MBIP: variants seen among roughly 807,000 people sequenced by gnomAD.
MBIP encodes MAP3K12-binding inhibitory protein 1.
In MBIP, 32 loss-of-function variants were observed where a neutral mutation model predicts 45.7. The observed-to-expected ratio is 0.70, with a 90% CI of 0.53 to 0.94. MBIP has a LOEUF of 0.94. Among genes scored for constraint, MBIP ranks in the 40% least tolerant of loss-of-function variants. The pLI is 0.00. For missense variants in MBIP, 381 were observed against 405.5 expected, an observed-to-expected ratio of 0.94 and a Z score of 0.52; for synonymous variants, 145 against 141.0, an observed-to-expected ratio of 1.03 and a Z score of -0.20.
chr14:36,307,148 C>T (rs1387351923), intron 7 of MBIP, among the ~76,000 whole-genome samples: 1 of 152,140 alleles, frequency 6.6e-6, no homozygotes, highest in East Asian at 1.9e-4. Context: ...GAAATTTTGT[C>T]ATTTAGGACT....
chr14:36,314,375 T>A, intron 4 of MBIP, 137 bp downstream of exon 4: 1 of 607,832 alleles, frequency 1.6e-6, no homozygotes, highest in Non-Finnish European at 2.8e-6. Flanking sequence ...AACTCTACTG[T>A]CTTAATTACT....
At chr14:36,305,711 T>C (rs1040692004) in intron 7 of MBIP, among the ~76,000 whole-genome samples, 2 of 152,118 alleles carry the variant, frequency 1.3e-5, no homozygotes, top group Non-Finnish European at 2.9e-5. Context: ...TTACCTGATG[T>C]TTTTACCTTC....
In MBIP at chr14:36,320,448, G is replaced by A. The variant is rs1880830848; in HGVS notation, c.129+12C>T. ...GGTTTCCATATTCCCAGTCCCTCAG[G>A]CCACCTCTCACCTGTCCAACCAGGG... On this transcript the variant is annotated intron_variant, in intron 1 of 8. Coordinates refer to ENST00000416007, the MANE Select transcript of MBIP (RefSeq NM_016586.3). The A allele has an allele frequency of 6.2e-7, 1 of 1,613,968 alleles. No individual in the cohort carries two copies. The highest frequency in any genetic ancestry group is 8.5e-7 in the Non-Finnish European group (1 of 1,180,000).
intron 7 of MBIP, chr14:36,305,242 T>A (rs769221011): frequency 6.6e-6 from 1 of 152,120 alleles, no homozygotes; most frequent in African/African-American, 2.4e-5. Context: ...CATCCTATTA[T>A]AGAAGGGTGA....
chr14:36,320,375 T>C (rs919923260), intron 1 of MBIP, 85 bp downstream of exon 1: 2 of 1,588,080 alleles, frequency 1.3e-6, no homozygotes. Context: ...CAGGCCTAGC[T>C]GCCCCCGGCC....
chr14:36,319,637 C>T (rs1360731896), intron 1 of MBIP: 10 of 408,614 alleles, frequency 2.4e-5, no homozygotes, highest in Non-Finnish European at 1.9e-5. Flanking sequence ...GTACCAGCCC[C>T]AAAACAAACT....
At chr14:36,299,989 A>G (rs1260117762) in intron 8 of MBIP, among the ~76,000 whole-genome samples, 2 of 152,182 alleles carry the variant, frequency 1.3e-5, no homozygotes, top group African/African-American at 4.8e-5. Context: ...TTCTAGACTT[A>G]GTGGTGATGG....
In MBIP at chr14:36,314,682, CCTTCTTA is replaced by C; in HGVS notation, c.474+2_474+8del. On this transcript the variant is annotated splice_donor_variant and splice_donor_5th_base_variant and intron_variant, in intron 3 of 8. Transcript: ENST00000416007. LOFTEE classifies it high-confidence loss of function. Reference sequence around the variant, plus strand: ...ATACCCTCTCGCCCCCGCCAAAAAACCTTCTTACTTCTGCTTTTCCAGCCTTTATCTG... The same window carrying C: ...ATACCCTCTCGCCCCCGCCAAAAAACCTTCTGCTTTTCCAGCCTTTATCTG... 2 of 1,611,794 alleles carry C rather than the reference CCTTCTTA, an allele frequency of 1.2e-6. No homozygotes were observed. The highest frequency in any genetic ancestry group is 2.2e-5 in the South Asian group (2 of 90,890).
intron 7 of MBIP, among the ~76,000 whole-genome samples, chr14:36,301,248 C>T (rs1030675247): frequency 1.3e-5 from 2 of 152,068 alleles, no homozygotes; most frequent in Non-Finnish European, 2.9e-5. Context: ...GGGGTGAAAA[C>T]ACACATACAC....
intron 6 of MBIP, among the ~76,000 whole-genome samples, chr14:36,308,935 C>A (rs1204179526): frequency 1.3e-5 from 2 of 152,192 alleles, no homozygotes; most frequent in African/African-American, 4.8e-5. Flanking sequence ...GCTTCCAATA[C>A]CTGATCATTT....
chr14:36,314,924 A>G lies in MBIP; in HGVS notation c.250-9T>C. 1.9e-6 allele frequency: 3 copies of G among 1,571,356 alleles called. No homozygotes were observed. Among genetic ancestry groups the G allele is most frequent in the Non-Finnish European group, 1.8e-6 (2 of 1,141,738 alleles). ...AGTTTTGCTAAAAAAGGCTGAGAAC[A>G]ACACAATTCCATCTGCTGAGGTTCA... On this transcript the variant is annotated splice_polypyrimidine_tract_variant and intron_variant, in intron 2 of 8. Coordinates refer to ENST00000416007, the MANE Select transcript of MBIP (RefSeq NM_016586.3).
chr14:36,320,522 GT>G lies in MBIP; in HGVS notation c.66del (p.Arg22SerfsTer30). 1 of 1,613,936 alleles carries G rather than the reference GT, an allele frequency of 6.2e-7. No homozygotes were observed. Among genetic ancestry groups the G allele is most frequent in the Non-Finnish European group, 8.5e-7 (1 of 1,179,944 alleles). Reference protein sequence around the residue: ...SGDRNLERRCRPNLSREVLYE... With the variant: ...SGDRNLERRCXPNLSREVLYE... ...TAGAGCACCTCTCGGGAGAGGTTGGGTCTGCATCTTCGCTCCAGGTTCCTGT... is the reference window on the plus strand; with the variant it reads ...TAGAGCACCTCTCGGGAGAGGTTGGGCTGCATCTTCGCTCCAGGTTCCTGT... On this transcript the variant is annotated frameshift_variant, in exon 1 of 9. Coordinates refer to ENST00000416007, the MANE Select transcript of MBIP (RefSeq NM_016586.3). LOFTEE classifies it high-confidence loss of function.
At chr14:36,302,473 C>T (rs1004003083) in intron 7 of MBIP, among the ~76,000 whole-genome samples, 2 of 126,356 alleles carry the variant, frequency 1.6e-5, no homozygotes, top group Non-Finnish European at 3.2e-5. Context: ...GCCTGGGCGA[C>T]AGAGCAAGAC....
chr14:36,299,964 G>A (rs1879438052), intron 8 of MBIP, among the ~76,000 whole-genome samples: 1 of 152,046 alleles, frequency 6.6e-6, no homozygotes, highest in South Asian at 2.1e-4. Context: ...TTTTGGGGGG[G>A]CAGTGATGGA....
chr14:36,314,716 A>T lies in MBIP; in HGVS notation c.449T>A (p.Val150Asp). 1 of 1,613,534 alleles carries T rather than the reference A, an allele frequency of 6.2e-7. No individual in the cohort carries two copies. Among genetic ancestry groups the T allele is most frequent in the South Asian group, 1.1e-5 (1 of 91,032 alleles). ...KTQIHFDPEVVQIKAGKAEID... is the reference protein window; with the variant it reads ...KTQIHFDPEVDQIKAGKAEID... ...TTCTGCTTTTCCAGCCTTTATCTGA[A>T]CTACTTCTGGATCAAAATGGATCTG... is the stretch of plus-strand genomic sequence containing the variant. The change falls in exon 3 of 9, where the codon GTT becomes GAT. Residue 150 changes from valine (V) to aspartate (D), a missense_variant. Transcript: ENST00000416007.
intron 7 of MBIP, among the ~76,000 whole-genome samples, chr14:36,307,726 A>T (rs1879965676): frequency 6.6e-6 from 1 of 152,168 alleles, no homozygotes; most frequent in African/African-American, 2.4e-5. Flanking sequence ...GAGAGATTAA[A>T]GAGGCAGAGG....
At chr14:36,300,479 A>G (rs1879472452) in intron 8 of MBIP, among the ~76,000 whole-genome samples, 1 of 152,176 alleles carries the variant, frequency 6.6e-6, no homozygotes, top group South Asian at 2.1e-4. Flanking sequence ...TGTTCACAAA[A>G]GGAAGGGATG....
intron 7 of MBIP, among the ~76,000 whole-genome samples, chr14:36,302,259 G>T (rs1348496248): frequency 2.0e-5 from 3 of 152,122 alleles, no homozygotes; most frequent in African/African-American, 7.2e-5. Flanking sequence ...TTGGGAGGCC[G>T]AGGCGGGTGG....
At chr14:36,316,914 G>T in intron 1 of MBIP, 102 bp from the exon 2 acceptor site, 2 of 1,279,108 alleles carry the variant, frequency 1.6e-6, no homozygotes, top group Non-Finnish European at 2.1e-6. Flanking sequence ...GGTCTATTTT[G>T]CTCTAAGTTA....
Sources: allele counts gnomAD v4.1 joint callset (sites outside exome capture counted in the v4.1 genomes callset), GRCh38; gene constraint gnomAD v4.1.1; transcripts MANE v1.5; gene names NCBI Gene and HGNC (gene_info 2026-07-23, HGNC 2026-07-21).